SLIT2: variants seen among roughly 807,000 people sequenced by gnomAD.
SLIT2 encodes the protein slit guidance ligand 2.
Under a neutral mutation model 185.7 loss-of-function variants are expected in SLIT2, and 41 were observed. The ratio of observed to expected loss-of-function variants is 0.22; its 90% CI spans 0.17 to 0.29. The LOEUF is 0.29. Ranked by LOEUF, SLIT2 falls within the 10% of genes least tolerant of loss-of-function variation. SLIT2 has a pLI of 1.00. For synonymous variants in SLIT2, 693 were observed against 680.2 expected (o/e 1.02, Z -0.29); for missense variants, 1,571 against 1,909.0 (o/e 0.82, Z 3.30).
rs187319793 is a variant in SLIT2, at chr4:20,385,029, C to A, written c.396-82723C>A. Among the ~76,000 whole-genome samples the A allele has an allele frequency of 3.3e-5, 5 of 152,250 alleles. No individual in the cohort carries two copies. The South Asian group carries it at 6.2e-4, about 19-fold the overall frequency. ...GGTCTGTCTGCTTTTCCTGCTCCTACTTTCTGACGATCTCTTCTTGGGTAT... is the reference window on the plus strand; with the variant it reads ...GGTCTGTCTGCTTTTCCTGCTCCTAATTTCTGACGATCTCTTCTTGGGTAT... On this transcript the variant is annotated intron_variant, in intron 4 of 36. Coordinates refer to ENST00000504154, the MANE Select transcript of SLIT2 (RefSeq NM_004787.4).
chr4:20,266,942 G>A (rs1290949816), intron 3 of SLIT2, among the ~76,000 whole-genome samples: 10 of 151,978 alleles, frequency 6.6e-5, no homozygotes, highest in Non-Finnish European at 1.5e-4. Flanking sequence ...TGCCGAGAAT[G>A]CTTGCTCTGG....
At chr4:20,597,605 G>T (rs1321179311) in intron 32 of SLIT2, among the ~76,000 whole-genome samples, 1 of 152,140 alleles carries the variant, frequency 6.6e-6, no homozygotes, top group African/African-American at 2.4e-5. Flanking sequence ...TAATTCAAAT[G>T]ACTTTAGCCA....
chr4:20,415,159 C>T (rs1727550940), intron 4 of SLIT2, among the ~76,000 whole-genome samples: 1 of 152,124 alleles, frequency 6.6e-6, no homozygotes, highest in Non-Finnish European at 1.5e-5. Context: ...CGCCTGTAAT[C>T]CCAGCACTTT....
intron 29 of SLIT2, among the ~76,000 whole-genome samples, chr4:20,588,547 A>T (rs554637867): frequency 6.6e-6 from 1 of 152,228 alleles, no homozygotes; most frequent in African/African-American, 2.4e-5. Context: ...CATTTATTGC[A>T]TATAAAACAA....
chr4:20,501,385 A>G (rs1316023742), intron 9 of SLIT2, among the ~76,000 whole-genome samples: 1 of 152,060 alleles, frequency 6.6e-6, no homozygotes, highest in African/African-American at 2.4e-5. Flanking sequence ...TCCAGGGCTC[A>G]AGCAATCCTC....
rs1004723055 is a variant in SLIT2, at chr4:20,601,172, A to G, written c.3692+2777A>G. 2.6e-5 allele frequency among the ~76,000 whole-genome samples: 4 copies of G among 152,278 alleles called. No homozygotes were observed. The East Asian group carries it at 7.7e-4, about 29-fold the overall frequency. ...TTTGAGCCATTTCAATGTCATTACC[A>G]CTCAAAAATAAAATTGAAATAATAG... On this transcript the variant is annotated intron_variant, in intron 33 of 36. Transcript: ENST00000504154.
At chr4:20,307,042 C>T (rs1717610541) in intron 4 of SLIT2, among the ~76,000 whole-genome samples, 1 of 150,306 alleles carries the variant, frequency 6.7e-6, no homozygotes, top group Non-Finnish European at 1.5e-5. Context: ...TCCTTTTTAC[C>T]TACCTTCCTT....
chr4:20,545,458 C>CATATATATAT lies in SLIT2; in HGVS notation c.2277-562_2277-553dup, dbSNP rs3836701. On this transcript the variant is annotated intron_variant, in intron 21 of 36. Transcript: ENST00000504154. ...TATGGTTATTTGATTATTGCTGTTA[C>CATATATATAT]ATATATATATATATATATATTTATA... is the stretch of plus-strand genomic sequence containing the variant. Among the ~76,000 whole-genome samples, 33 of 147,994 alleles carry CATATATATAT rather than the reference C, an allele frequency of 2.2e-4. 1 individual carries two copies. The highest frequency in any genetic ancestry group is 6.7e-4 in the African/African-American group (27 of 40,494).
intron 8 of SLIT2, among the ~76,000 whole-genome samples, chr4:20,491,472 G>A (rs1381981075): frequency 6.6e-6 from 1 of 152,132 alleles, no homozygotes; most frequent in African/African-American, 2.4e-5. Flanking sequence ...AGTTTTGAAT[G>A]TAATTCTGAT....
At chr4:20,502,236 T>C (rs907866206) in intron 9 of SLIT2, among the ~76,000 whole-genome samples, 5 of 152,218 alleles carry the variant, frequency 3.3e-5, no homozygotes, top group South Asian at 2.1e-4. Context: ...AAAAGAAATA[T>C]TAAAATAAGC....
At chr4:20,394,446 A>G (rs1402776703) in intron 4 of SLIT2, 1 of 151,934 alleles carries the variant, frequency 6.6e-6, no homozygotes, top group Non-Finnish European at 1.5e-5. Context: ...TTTTACCCCC[A>G]TGCATGTGAT....
chr4:20,610,010 T>C lies in SLIT2; in HGVS notation c.3693-3T>C, dbSNP rs1302071645. Reference sequence around the variant, plus strand: ...GAATCAGCCATTTTTTTTTCCGTTGTAGTGTGGAGACAATCAATGATGGAA... The same window carrying C: ...GAATCAGCCATTTTTTTTTCCGTTGCAGTGTGGAGACAATCAATGATGGAA... On this transcript the variant is annotated splice_region_variant and splice_polypyrimidine_tract_variant and intron_variant, in intron 33 of 36. Transcript: ENST00000504154. 6.2e-7 allele frequency: 1 copy of C among 1,606,524 alleles called. No individual in the cohort carries two copies. The highest frequency in any genetic ancestry group is 1.3e-5 in the African/African-American group (1 of 74,514).
chr4:20,332,488 C>A (rs1054095893), intron 4 of SLIT2, among the ~76,000 whole-genome samples: 1 of 152,052 alleles, frequency 6.6e-6, no homozygotes, highest in Non-Finnish European at 1.5e-5. Flanking sequence ...TCGAGACCAG[C>A]CTGGCTAATG....
At chr4:20,565,970 A>C (rs1372702933) in intron 26 of SLIT2, among the ~76,000 whole-genome samples, 5 of 152,000 alleles carry the variant, frequency 3.3e-5, no homozygotes, top group African/African-American at 1.2e-4. Flanking sequence ...GATACAATGA[A>C]TCTCTGTGGC....
intron 9 of SLIT2, among the ~76,000 whole-genome samples, chr4:20,507,165 A>T (rs530597581): frequency 6.6e-6 from 1 of 152,100 alleles, no homozygotes; most frequent in African/African-American, 2.4e-5. Flanking sequence ...CCATTTTATC[A>T]TGACTCTTCT....
intron 4 of SLIT2, among the ~76,000 whole-genome samples, chr4:20,281,865 T>C (rs1714809233): frequency 6.6e-6 from 1 of 152,242 alleles, no homozygotes; most frequent in African/African-American, 2.4e-5. Flanking sequence ...ACAATAATTA[T>C]GTTAAAAATT....
chr4:20,284,155 C>G (rs1290891363), intron 4 of SLIT2, among the ~76,000 whole-genome samples: 3 of 152,198 alleles, frequency 2.0e-5, no homozygotes, highest in Admixed American at 2.0e-4. Context: ...TGCCACCACC[C>G]TGCCTGGAGA....
chr4:20,344,372 AT>A (rs1416407114), intron 4 of SLIT2, among the ~76,000 whole-genome samples: 9 of 152,068 alleles, frequency 5.9e-5, no homozygotes, highest in African/African-American at 2.2e-4. Context: ...TCTTGGAGAA[AT>A]TTTTTTAGGT....
chr4:20,359,794 G>A (rs1007504822), intron 4 of SLIT2, among the ~76,000 whole-genome samples: 9 of 152,104 alleles, frequency 5.9e-5, no homozygotes, highest in African/African-American at 2.2e-4. Flanking sequence ...CAGCTCTGAG[G>A]TTTGCTGGAA....
Sources: gnomAD v4.1 joint callset for allele counts (sites outside exome capture counted in the v4.1 genomes callset) on GRCh38, gnomAD v4.1.1 for gene constraint, MANE v1.5 for transcripts, NCBI Gene and HGNC (gene_info 2026-07-23, HGNC 2026-07-21) for gene names.